The following VRK2 variants were observed in gnomAD, a reference collection of about 807,000 sequenced individuals.
VRK2 encodes VRK serine/threonine kinase 2, also known as serine/threonine-protein kinase VRK2.
A neutral mutation model predicts 57.6 loss-of-function variants in VRK2; 60 were observed. That is an observed-to-expected ratio of 1.04 (90% CI 0.85 to 1.29). The LOEUF (loss-of-function observed/expected upper bound fraction) is 1.29, where lower values mean the gene tolerates loss of function less well. VRK2 is among the 50% of genes most tolerant of loss of function. VRK2 has a pLI of 0.00. For synonymous variants in VRK2, 231 were observed against 199.2 expected, an observed-to-expected ratio of 1.16 and a Z score of -1.35; for missense variants, 705 against 588.1, an observed-to-expected ratio of 1.20 and a Z score of -2.06.
chr2:58,136,988 ATG>A (rs1320330731), intron 10 of VRK2, among the ~76,000 whole-genome samples: 7 of 133,244 alleles, frequency 5.3e-5, no homozygotes, highest in South Asian at 2.2e-4. Context: ...TATCATATAT[ATG>A]TGTATATATC....
chr2:57,956,638 A>C (rs1671595093), intron 1 of VRK2, among the ~76,000 whole-genome samples: 1 of 152,184 alleles, frequency 6.6e-6, no homozygotes, highest in South Asian at 2.1e-4. Context: ...CTTCGTATGA[A>C]GAACCATACT....
intron 1 of VRK2, among the ~76,000 whole-genome samples, chr2:57,908,801 C>G (rs994799765): frequency 1.3e-5 from 2 of 151,954 alleles, no homozygotes; most frequent in Admixed American, 1.3e-4. Context: ...CTGAAGAATC[C>G]CTGAGCAGCT....
chr2:58,054,326 A>G (rs1170890460), intron 2 of VRK2, among the ~76,000 whole-genome samples: 1 of 151,634 alleles, frequency 6.6e-6, no homozygotes, highest in Admixed American at 6.6e-5. Flanking sequence ...TCTTCAGTGC[A>G]TTTATATATT....
chr2:58,062,896 CA>C (rs1319765744), intron 2 of VRK2, among the ~76,000 whole-genome samples: 4 of 152,106 alleles, frequency 2.6e-5, no homozygotes, highest in Non-Finnish European at 4.4e-5. Context: ...AACAAATTTT[CA>C]GTGTAAATGA....
chr2:58,093,098 A>C (rs1094076), intron 7 of VRK2, among the ~76,000 whole-genome samples: 1 of 152,160 alleles, frequency 6.6e-6, no homozygotes, highest in African/African-American at 2.4e-5. Flanking sequence ...AGTCTTTGCT[A>C]TTGTGAATAG....
chr2:58,082,796 A>G (rs978438340), intron 2 of VRK2, among the ~76,000 whole-genome samples: 7 of 151,888 alleles, frequency 4.6e-5, no homozygotes, highest in African/African-American at 1.7e-4. Context: ...CTGGGTTTAC[A>G]ATTTAATATT....
intron 1 of VRK2, among the ~76,000 whole-genome samples, chr2:57,944,643 G>A (rs1382174093): frequency 2.6e-5 from 4 of 152,162 alleles, no homozygotes; most frequent in African/African-American, 9.7e-5. Context: ...GGCTGAGGCA[G>A]GAGAATGGCG....
At chr2:58,157,150 C>T (rs1684008257) in intron 12 of VRK2, among the ~76,000 whole-genome samples, 1 of 152,076 alleles carries the variant, frequency 6.6e-6, no homozygotes, top group African/African-American at 2.4e-5. Flanking sequence ...AGTTATTTCA[C>T]ATATTTTGAC....
At chr2:57,971,578 G>A (rs1161323244) in intron 1 of VRK2, among the ~76,000 whole-genome samples, 3 of 151,648 alleles carry the variant, frequency 2.0e-5, no homozygotes. Context: ...ATCTATTTAT[G>A]TATTTATTTA....
chr2:58,054,983 A>G (rs1049245298), intron 2 of VRK2, among the ~76,000 whole-genome samples: 1 of 152,186 alleles, frequency 6.6e-6, no homozygotes, highest in Admixed American at 6.5e-5. Flanking sequence ...TCTTTTCTTT[A>G]ACATCTTCGA....
At chr2:58,137,181 T>A (rs199510076) in intron 10 of VRK2, among the ~76,000 whole-genome samples, 1 of 44,532 alleles carries the variant, frequency 2.2e-5, no homozygotes, top group African/African-American at 9.7e-5. Flanking sequence ...ATCATATATA[T>A]CATATATGAT....
At chr2:58,036,117 T>C (rs1358452777) in intron 3 of VRK2, among the ~76,000 whole-genome samples, 1 of 152,020 alleles carries the variant, frequency 6.6e-6, no homozygotes, top group Non-Finnish European at 1.5e-5. Flanking sequence ...CAACATAATA[T>C]ACCATTAATT....
intron 3 of VRK2, among the ~76,000 whole-genome samples, chr2:58,037,574 A>T (rs1674316977): frequency 6.6e-6 from 1 of 152,140 alleles, no homozygotes; most frequent in African/African-American, 2.4e-5. Flanking sequence ...CATTTTTCAT[A>T]AAAGTGTTTT....
chr2:58,061,716 TATA>T (rs1677371035), intron 2 of VRK2, among the ~76,000 whole-genome samples: 1 of 151,990 alleles, frequency 6.6e-6, no homozygotes, highest in Non-Finnish European at 1.5e-5. Context: ...TAGAATATAA[TATA>T]ATGAGAATGC....
chr2:57,982,505 T>G (rs1188542684), intron 1 of VRK2, among the ~76,000 whole-genome samples: 2 of 152,106 alleles, frequency 1.3e-5, no homozygotes, highest in African/African-American at 2.4e-5. Context: ...GAAGGCTGCA[T>G]GCAGGTATGC....
At chr2:58,007,154 C>T (rs1448130955) in intron 1 of VRK2, among the ~76,000 whole-genome samples, 1 of 151,668 alleles carries the variant, frequency 6.6e-6, no homozygotes, top group African/African-American at 2.4e-5. Context: ...AAATAGAGAT[C>T]TTGGGACTTC....
chr2:58,137,220 A>ATCATATATATGATATATG (rs1215720524), intron 10 of VRK2, among the ~76,000 whole-genome samples: 1 of 48,100 alleles, frequency 2.1e-5, no homozygotes, highest in African/African-American at 1.7e-4. Flanking sequence ...TGATACATAT[A>ATCATATATATGATATATG]TATCATATGA....
At chr2:58,057,141 A>G (rs748970286) in intron 2 of VRK2, among the ~76,000 whole-genome samples, 2 of 152,128 alleles carry the variant, frequency 1.3e-5, no homozygotes, top group Admixed American at 1.3e-4. Context: ...ACAGTGCTTA[A>G]TATGGCCTTG....
At chr2:58,013,669 A>G (rs1220141576) in intron 1 of VRK2, among the ~76,000 whole-genome samples, 1 of 151,732 alleles carries the variant, frequency 6.6e-6, no homozygotes, top group Non-Finnish European at 1.5e-5. Flanking sequence ...CAGGAGATCG[A>G]GACCACGGTG....
Sources: allele counts gnomAD v4.1 joint callset (sites outside exome capture counted in the v4.1 genomes callset), GRCh38; gene constraint gnomAD v4.1.1; transcripts MANE v1.5; gene names NCBI Gene and HGNC (gene_info 2026-07-23, HGNC 2026-07-21).